The following KCNK10 variants were observed in gnomAD, a reference collection of about 807,000 sequenced individuals.
KCNK10 encodes the protein potassium two pore domain channel subfamily K member 10, also known as potassium channel subfamily K member 10.
In KCNK10, 25 loss-of-function variants were observed where a neutral mutation model predicts 47.7. That is an observed-to-expected ratio of 0.52 (90% CI 0.38 to 0.73). The LOEUF (loss-of-function observed/expected upper bound fraction) is 0.73, where lower values mean the gene tolerates loss of function less well. Ranked by LOEUF, KCNK10 falls within the 30% of genes least tolerant of loss-of-function variation. The probability of loss-of-function intolerance (pLI) is 0.00; values close to 1 mark genes in which losing one functional copy is unlikely to be tolerated. For missense variants in KCNK10, 563 were observed against 714.5 expected, an observed-to-expected ratio of 0.79 and a Z score of 2.42; for synonymous variants, 303 against 285.6, an observed-to-expected ratio of 1.06 and a Z score of -0.61.
intron 1 of KCNK10, among the ~76,000 whole-genome samples, chr14:88,275,502 G>A (rs137961254): frequency 1.2e-3 from 187 of 152,172 alleles, no homozygotes; most frequent in Non-Finnish European, 2.3e-3. Context: ...TTGTTTGTGA[G>A]TTATTTATTT....
At chr14:88,191,397 A>G (rs917815978) in intron 5 of KCNK10, among the ~76,000 whole-genome samples, 1 of 151,510 alleles carries the variant, frequency 6.6e-6, no homozygotes, top group Middle Eastern at 3.2e-3. Flanking sequence ...GTGACAGATG[A>G]TAGAGTTGTT....
chr14:88,226,904 C>G (rs1886005068), intron 4 of KCNK10, among the ~76,000 whole-genome samples: 2 of 152,190 alleles, frequency 1.3e-5, no homozygotes, highest in African/African-American at 4.8e-5. Flanking sequence ...CATTAGGAGA[C>G]AGGTGCAAAG....
intron 1 of KCNK10, among the ~76,000 whole-genome samples, chr14:88,274,549 T>TAAAAAA (rs3994047): frequency 4.9e-5 from 2 of 40,504 alleles, no homozygotes; most frequent in African/African-American, 2.1e-4. Context: ...AGACTCTATC[T>TAAAAAA]AAAAAAAAAA....
At chr14:88,231,940 T>C (rs1886170962) in intron 3 of KCNK10, among the ~76,000 whole-genome samples, 1 of 152,220 alleles carries the variant, frequency 6.6e-6, no homozygotes, top group Admixed American at 6.5e-5. Context: ...TCACAAAGTG[T>C]GTCTATACAC....
intron 6 of KCNK10, 124 bp downstream of exon 6, chr14:88,187,843 C>T (rs1157600887): frequency 4.2e-5 from 37 of 890,564 alleles, no homozygotes; most frequent in East Asian, 9.7e-5. Context: ...GCCTATGACC[C>T]GCCCCCCGCT....
intron 5 of KCNK10, among the ~76,000 whole-genome samples, chr14:88,189,868 T>G (rs1394990726): frequency 6.6e-6 from 1 of 152,222 alleles, no homozygotes; most frequent in Admixed American, 6.5e-5. Flanking sequence ...TTTTCAGGCA[T>G]GCATTCTCCA....
intron 1 of KCNK10, among the ~76,000 whole-genome samples, chr14:88,309,393 G>A (rs1438375560): frequency 6.6e-6 from 1 of 152,144 alleles, no homozygotes; most frequent in African/African-American, 2.4e-5. Flanking sequence ...CTTGAGCTCA[G>A]GAGTTCGAGA....
intron 4 of KCNK10, among the ~76,000 whole-genome samples, chr14:88,215,935 A>G (rs1430758419): frequency 6.6e-6 from 1 of 152,232 alleles, no homozygotes; most frequent in Non-Finnish European, 1.5e-5. Flanking sequence ...TGACCTCAGA[A>G]GACAACAGGA....
At chr14:88,227,615 G>T (rs1380534594) in intron 3 of KCNK10, 80 bp from the exon 4 acceptor site, 2 of 1,335,660 alleles carry the variant, frequency 1.5e-6, no homozygotes, top group East Asian at 4.6e-5. Context: ...TTTTTTAAAA[G>T]TTTGTACATT....
At position 88,263,286 on chromosome 14, in the gene KCNK10, C is replaced by T; in HGVS notation, c.318G>A (p.Gln106=). 1.9e-6 allele frequency: 3 copies of T among 1,614,148 alleles called. No homozygotes were observed. The highest frequency in any genetic ancestry group is 2.5e-6 in the Non-Finnish European group (3 of 1,180,036). Residue 106 remains glutamine, a synonymous_variant, in exon 2 of 7, where the codon CAG becomes CAA. Transcript: ENST00000319231. ...CCTTCTCCAAGGCGATGGTATTCTT[C>T]TGGCTGCTCTCAAAGGGCTGCTCCA... ...RALEQPFESS[Q]KNTIALEKAE...
chr14:88,228,110 C>G (rs1886043975), intron 3 of KCNK10, among the ~76,000 whole-genome samples: 1 of 151,304 alleles, frequency 6.6e-6, no homozygotes, highest in African/African-American at 2.4e-5. Flanking sequence ...GCTGTCTCTC[C>G]CCACCGCCAG....
At chr14:88,211,682 G>T (rs973622546) in intron 4 of KCNK10, among the ~76,000 whole-genome samples, 1 of 152,054 alleles carries the variant, frequency 6.6e-6, no homozygotes, top group African/African-American at 2.4e-5. Context: ...TGGATCATGA[G>T]GTCAGAAGTT....
At chr14:88,251,091 G>C (rs935540025) in intron 2 of KCNK10, among the ~76,000 whole-genome samples, 1 of 151,930 alleles carries the variant, frequency 6.6e-6, no homozygotes, top group Non-Finnish European at 1.5e-5. Context: ...AAATTAGCTG[G>C]GCGTGGTGGT....
At chr14:88,230,418 G>A (rs1439523813) in intron 3 of KCNK10, among the ~76,000 whole-genome samples, 4 of 152,284 alleles carry the variant, frequency 2.6e-5, no homozygotes, top group Non-Finnish European at 5.9e-5. Flanking sequence ...TTCACCTCTG[G>A]CTAGAAAAGA....
At position 88,322,366 on chromosome 14, in the gene KCNK10, C is replaced by G. The variant is rs1888565177; in HGVS notation, c.52+381G>C. On this transcript the variant is annotated intron_variant, in intron 1 of 6. Transcript: ENST00000319231. The surrounding 1 kb of genome is among the most constrained non-coding windows in gnomAD (Gnocchi z 4.8). ...CAGCTCCAGGTCCAGGGGGAAGCAC[C>G]CCACCCATCTGCCAGAGAGACAAAG... Among the ~76,000 whole-genome samples the G allele has an allele frequency of 6.6e-6, 1 of 151,896 alleles. No individual in the cohort carries two copies. Among genetic ancestry groups the G allele is most frequent in the African/African-American group, 2.4e-5 (1 of 41,336 alleles).
At chr14:88,270,893 T>C (rs570282212) in intron 1 of KCNK10, 9 of 771,920 alleles carry the variant, frequency 1.2e-5, no homozygotes, top group East Asian at 2.4e-5. Flanking sequence ...CAGAGTAAAG[T>C]GCAGGCTCCA....
intron 1 of KCNK10, among the ~76,000 whole-genome samples, chr14:88,314,797 G>A (rs1295284328): frequency 1.6e-4 from 24 of 152,154 alleles, no homozygotes; most frequent in Admixed American, 1.1e-3. Flanking sequence ...ATGATGATCC[G>A]GCATTCTTCT....
At chr14:88,286,408 A>G (rs913815528) in intron 1 of KCNK10, among the ~76,000 whole-genome samples, 7 of 152,184 alleles carry the variant, frequency 4.6e-5, no homozygotes, top group Non-Finnish European at 1.5e-5. Context: ...GCATTCATCT[A>G]TATTGTGATA....
intron 1 of KCNK10, among the ~76,000 whole-genome samples, chr14:88,307,606 T>C (rs1888230393): frequency 6.6e-6 from 1 of 152,208 alleles, no homozygotes; most frequent in Non-Finnish European, 1.5e-5. Flanking sequence ...AATTTTATGG[T>C]ATGTAAATTA....
Sources: gnomAD v4.1 joint callset for allele counts (sites outside exome capture counted in the v4.1 genomes callset) on GRCh38, gnomAD v4.1.1 for gene constraint, Gnocchi (gnomAD v3.1) non-coding constraint, MANE v1.5 for transcripts, NCBI Gene and HGNC (gene_info 2026-07-23, HGNC 2026-07-21) for gene names.